Variants in IGSF21 observed in about 807,000 individuals in gnomAD.
The protein encoded by IGSF21 is immunoglobin superfamily member 21.
In IGSF21, 28 loss-of-function variants were observed where a neutral mutation model predicts 46.8. The observed-to-expected ratio is 0.60, with a 90% CI of 0.44 to 0.82. The LOEUF is 0.82. Among genes scored for constraint, IGSF21 ranks in the 40% least tolerant of loss-of-function variants. The probability of loss-of-function intolerance (pLI) is 0.00; values close to 1 mark genes in which losing one functional copy is unlikely to be tolerated. For missense variants in IGSF21, 624 were observed against 665.5 expected, an observed-to-expected ratio of 0.94 and a Z score of 0.69; for synonymous variants, 284 against 273.6, an observed-to-expected ratio of 1.04 and a Z score of -0.38.
intron 4 of IGSF21, among the ~76,000 whole-genome samples, chr1:18,354,266 A>C (rs1184561469): frequency 2.0e-5 from 3 of 152,238 alleles, no homozygotes; most frequent in Non-Finnish European, 2.9e-5. Context: ...GAGCAAAGTG[A>C]AGAGGGAACC....
chr1:18,208,397 T>TATATATATATATATATATACATATATA (rs368652183), intron 1 of IGSF21, among the ~76,000 whole-genome samples: 9 of 92,586 alleles, frequency 9.7e-5, no homozygotes, highest in Non-Finnish European at 1.1e-4. Context: ...ATATATATAT[T>TATATATATATATATATATACATATATA]TTTTGAGACG....
chr1:18,126,343 G>C (rs1200467120), intron 1 of IGSF21, among the ~76,000 whole-genome samples: 1 of 152,140 alleles, frequency 6.6e-6, no homozygotes, highest in Non-Finnish European at 1.5e-5. Context: ...AGGCCATCTG[G>C]GCTGGGGGAG....
chr1:18,280,474 ATATGCATTATTAGCATTT>A (rs1417589009), intron 2 of IGSF21, among the ~76,000 whole-genome samples: 1 of 152,114 alleles, frequency 6.6e-6, no homozygotes, highest in African/African-American at 2.4e-5. Context: ...AGTAATAATA[ATATGCATTATTAGCATTT>A]TACAGCTAAC....
At chr1:18,323,501 G>A (rs114277320) in intron 3 of IGSF21, among the ~76,000 whole-genome samples, 242 of 152,274 alleles carry the variant, frequency 1.6e-3, no homozygotes, top group African/African-American at 5.2e-3. Context: ...TTGTCCCCTC[G>A]TTCTCACCCT....
At position 18,365,649 on chromosome 1, in the gene IGSF21, G is replaced by A. The variant is rs774977462; in HGVS notation, c.967G>A (p.Val323Ile). The part of the protein sequence containing the change: ...IDNEALFSCE[V>I]KHPALSMPMQ... Reference sequence around the variant, plus strand: ...CAACGAGGCCCTCTTCAGCTGCGAGGTCAAGCACCCAGCTCTGTCGATGCC... The same window carrying A: ...CAACGAGGCCCTCTTCAGCTGCGAGATCAAGCACCCAGCTCTGTCGATGCC... The change falls in exon 6 of 10, where the codon GTC (valine) becomes ATC (isoleucine). Residue 323 changes from valine to isoleucine, a missense_variant. Transcript: ENST00000251296. The surrounding 1 kb of genome is among the most constrained non-coding windows in gnomAD (Gnocchi z 4.8). 6.2e-6 allele frequency: 10 copies of A among 1,614,184 alleles called. No homozygotes were observed. The highest frequency in any genetic ancestry group is 1.7e-5 in the Admixed American group (1 of 60,020).
At chr1:18,367,415 C>G (rs1321141221) in intron 6 of IGSF21, among the ~76,000 whole-genome samples, 2 of 152,008 alleles carry the variant, frequency 1.3e-5, no homozygotes, top group Non-Finnish European at 2.9e-5. Flanking sequence ...TGGTAGAGTA[C>G]TTTGCCAAGT....
intron 2 of IGSF21, among the ~76,000 whole-genome samples, chr1:18,228,764 C>T (rs574491191): frequency 6.6e-6 from 1 of 152,332 alleles, no homozygotes; most frequent in South Asian, 2.1e-4. Context: ...GGGAGAACTC[C>T]TCTTCTGTCA....
chr1:18,181,188 G>A (rs1048671747), intron 1 of IGSF21, among the ~76,000 whole-genome samples: 7 of 152,314 alleles, frequency 4.6e-5, no homozygotes, highest in South Asian at 2.1e-4. Flanking sequence ...TCGGTCGTGC[G>A]GCGGATGTGT....
chr1:18,112,250 T>C (rs1246352012), intron 1 of IGSF21: 1 of 152,294 alleles, frequency 6.6e-6, no homozygotes, highest in Non-Finnish European at 1.5e-5. Context: ...CATTTATTCA[T>C]GCATCCAACA....
At chr1:18,132,967 C>T (rs1362873187) in intron 1 of IGSF21, among the ~76,000 whole-genome samples, 1 of 150,110 alleles carries the variant, frequency 6.7e-6, no homozygotes, top group African/African-American at 2.5e-5. Context: ...TTTCTTCTTG[C>T]CAGACCAGTG....
At chr1:18,366,610 T>A (rs1484877240) in intron 6 of IGSF21, among the ~76,000 whole-genome samples, 1 of 152,142 alleles carries the variant, frequency 6.6e-6, no homozygotes, top group Non-Finnish European at 1.5e-5. Flanking sequence ...CTGAAAGTCA[T>A]AGGAATTTTT....
chr1:18,119,706 G>A lies in IGSF21; in HGVS notation c.70+11508G>A, dbSNP rs538135203. On this transcript the variant is annotated intron_variant, in intron 1 of 9. Coordinates refer to ENST00000251296, the MANE Select transcript of IGSF21 (RefSeq NM_032880.5). Reference sequence around the variant, plus strand: ...TTTCTTTCCAACATAAAGATAATAGGTCTGGGGCAACAAGCCTCCAGCGAG... The same window carrying A: ...TTTCTTTCCAACATAAAGATAATAGATCTGGGGCAACAAGCCTCCAGCGAG... Among the ~76,000 whole-genome samples, 71 of 151,964 alleles carry A rather than the reference G, an allele frequency of 4.7e-4. No homozygotes were observed. The South Asian group carries it at 0.015, about 31-fold the overall frequency.
At chr1:18,356,835 A>G (rs1340529789) in intron 4 of IGSF21, among the ~76,000 whole-genome samples, 1 of 152,050 alleles carries the variant, frequency 6.6e-6, no homozygotes, top group Non-Finnish European at 1.5e-5. Flanking sequence ...AGAAGTGGTG[A>G]TAGGAATGGA....
chr1:18,273,073 T>C (rs1569689616), intron 2 of IGSF21, among the ~76,000 whole-genome samples: 1 of 129,404 alleles, frequency 7.7e-6, no homozygotes, highest in East Asian at 2.2e-4. Context: ...TTAGATGGAG[T>C]CCCCCTCTGT....
intron 1 of IGSF21, among the ~76,000 whole-genome samples, chr1:18,186,740 G>T (rs546988778): frequency 2.0e-5 from 3 of 152,238 alleles, no homozygotes; most frequent in African/African-American, 7.2e-5. Context: ...TTGCAGAGGG[G>T]GTTCAGTCCA....
chr1:18,363,463 T>G (rs12076489), intron 5 of IGSF21, among the ~76,000 whole-genome samples: 51,381 of 148,342 alleles, frequency 0.35, 8,761 homozygotes, highest in East Asian at 0.41. Flanking sequence ...GTGGGGCAGC[T>G]GGCAGGGTCA....
intron 1 of IGSF21, among the ~76,000 whole-genome samples, chr1:18,158,927 G>A (rs1432029587): frequency 6.6e-6 from 1 of 152,218 alleles, no homozygotes; most frequent in Non-Finnish European, 1.5e-5. Context: ...CTGGAGATGG[G>A]CGTTACCCCC....
At chr1:18,114,022 G>C (rs1435190012) in intron 1 of IGSF21, 1 of 152,148 alleles carries the variant, frequency 6.6e-6, no homozygotes, top group Non-Finnish European at 1.5e-5. Flanking sequence ...TCTGCTGCTT[G>C]CAAGGAAAGG....
chr1:18,270,525 G>A (rs2085032288), intron 2 of IGSF21, among the ~76,000 whole-genome samples: 1 of 152,200 alleles, frequency 6.6e-6, no homozygotes, highest in Admixed American at 6.5e-5. Context: ...CACCAAGCTG[G>A]CACCTGGGTG....
Sources: gnomAD v4.1 joint callset for allele counts (sites outside exome capture counted in the v4.1 genomes callset) on GRCh38, gnomAD v4.1.1 for gene constraint, Gnocchi (gnomAD v3.1) non-coding constraint, MANE v1.5 for transcripts, NCBI Gene and HGNC (gene_info 2026-07-23, HGNC 2026-07-21) for gene names.